The following LRP1B variants were observed in gnomAD, a reference collection of about 807,000 sequenced individuals.
LRP1B encodes the protein LDL receptor related protein 1B.
In LRP1B, 217 loss-of-function variants were observed where a neutral mutation model predicts 556.6. The ratio of observed to expected loss-of-function variants is 0.39; its 90% CI spans 0.35 to 0.44. The LOEUF (loss-of-function observed/expected upper bound fraction) is 0.44. Among genes scored for constraint, LRP1B ranks in the 20% least tolerant of loss-of-function variants. The pLI is 1.00. For missense variants in LRP1B, 5,053 were observed against 5,620.8 expected, an observed-to-expected ratio of 0.90 and a Z score of 3.23; for synonymous variants, 2,047 against 1,865.8, an observed-to-expected ratio of 1.10 and a Z score of -2.50.
chr2:140,964,500 C>A (rs28821564), intron 18 of LRP1B, among the ~76,000 whole-genome samples: 32,233 of 151,520 alleles, frequency 0.21, 3,571 homozygotes, highest in Middle Eastern at 0.28. Context: ...TGGTGACGGG[C>A]GTCTTCCCAG....
At chr2:141,174,627 A>T (rs141694688) in intron 7 of LRP1B, among the ~76,000 whole-genome samples, 1 of 152,130 alleles carries the variant, frequency 6.6e-6, no homozygotes, top group South Asian at 2.1e-4. Context: ...AGGAACTATG[A>T]GTCAATTAAA....
At chr2:141,245,775 A>G (rs866351346) in intron 5 of LRP1B, among the ~76,000 whole-genome samples, 5 of 152,232 alleles carry the variant, frequency 3.3e-5, no homozygotes, top group African/African-American at 4.8e-5. Context: ...TTTGCAGGTT[A>G]GCAGTAAAAG....
intron 2 of LRP1B, among the ~76,000 whole-genome samples, chr2:141,623,970 G>C (rs1470138697): frequency 7.8e-6 from 1 of 127,950 alleles, no homozygotes. Context: ...AGCCGAGATC[G>C]CACCACCGCA....
At chr2:141,476,713 T>C (rs750787250) in intron 3 of LRP1B, among the ~76,000 whole-genome samples, 1 of 152,156 alleles carries the variant, frequency 6.6e-6, no homozygotes, top group South Asian at 2.1e-4. Context: ...AGCAATTCAG[T>C]TGATACAAAA....
chr2:140,475,687 C>T (rs1687945797), intron 59 of LRP1B, among the ~76,000 whole-genome samples: 1 of 151,512 alleles, frequency 6.6e-6, no homozygotes. Flanking sequence ...ACAATTATCA[C>T]TATATATACT....
chr2:141,196,333 A>T (rs1320139109), intron 6 of LRP1B, among the ~76,000 whole-genome samples: 1 of 152,012 alleles, frequency 6.6e-6, no homozygotes, highest in Non-Finnish European at 1.5e-5. Context: ...GTATTTTTAA[A>T]ATTTAAAGCT....
At chr2:141,619,931 C>T (rs1688442636) in intron 2 of LRP1B, among the ~76,000 whole-genome samples, 2 of 152,142 alleles carry the variant, frequency 1.3e-5, no homozygotes, top group African/African-American at 4.8e-5. Flanking sequence ...TTATTTCATG[C>T]TACTTATAAT....
Position 141,260,744 on chromosome 2 carries a change from T to C in LRP1B, c.344-6103A>G, listed in dbSNP as rs1471820294. Among the ~76,000 whole-genome samples, 3 of 152,242 alleles carry C rather than the reference T, an allele frequency of 2.0e-5. No homozygotes were observed. In the East Asian group the frequency reaches 5.8e-4, roughly 29 times the overall value. ...GAACATGGCTGAGCTATTTTATTTG[T>C]ATGCTTCCAGGTTATGTTTTGGAGA... On this transcript the variant is annotated intron_variant, in intron 3 of 90. Coordinates refer to ENST00000389484, the MANE Select transcript of LRP1B (RefSeq NM_018557.3).
rs375189971 is a variant in LRP1B at position 140,510,063 on chromosome 2, C to A, written c.8270-7G>T. 13 of 1,612,200 alleles carry A rather than the reference C, an allele frequency of 8.1e-6. No homozygotes were observed. The highest frequency in any genetic ancestry group is 9.3e-6 in the Non-Finnish European group (11 of 1,179,510). The stretch of plus-strand genomic sequence containing the variant: ...GCAGCACAGGTTATGGCACCTGAAA[C>A]ACAAAAACATAATGCCATTAAGATT... On this transcript the variant is annotated splice_region_variant and splice_polypyrimidine_tract_variant and intron_variant, in intron 51 of 90. Transcript: ENST00000389484.
At chr2:141,923,528 T>C (rs1700254571) in intron 1 of LRP1B, among the ~76,000 whole-genome samples, 1 of 144,032 alleles carries the variant, frequency 6.9e-6, no homozygotes, top group African/African-American at 2.5e-5. Context: ...AGAGAGAAAG[T>C]AAGTATATGT....
chr2:141,649,166 T>G (rs1398454103), intron 2 of LRP1B, among the ~76,000 whole-genome samples: 1 of 152,168 alleles, frequency 6.6e-6, no homozygotes, highest in Non-Finnish European at 1.5e-5. Context: ...GCTTTCCAAA[T>G]TGAAATGAGG....
chr2:140,888,069 G>A (rs1376230831), intron 23 of LRP1B, among the ~76,000 whole-genome samples: 1 of 152,078 alleles, frequency 6.6e-6, no homozygotes, highest in Non-Finnish European at 1.5e-5. Flanking sequence ...GGTAATGACT[G>A]TAAGAACTTG....
chr2:142,113,727 C>T (rs62155635), intron 1 of LRP1B, among the ~76,000 whole-genome samples: 12,358 of 152,076 alleles, frequency 0.081, 543 homozygotes, highest in Non-Finnish European at 0.092. Flanking sequence ...CAAAGCAATG[C>T]TTGTTCCATT....
At chr2:140,467,669 A>T (rs1319149692) in intron 60 of LRP1B, among the ~76,000 whole-genome samples, 1 of 150,858 alleles carries the variant, frequency 6.6e-6, no homozygotes, top group Non-Finnish European at 1.5e-5. Flanking sequence ...TTGAGAAGTG[A>T]TTGTCATGAG....
intron 7 of LRP1B, among the ~76,000 whole-genome samples, chr2:141,180,133 G>T (rs1290448525): frequency 6.6e-6 from 1 of 151,496 alleles, no homozygotes; most frequent in Non-Finnish European, 1.5e-5. Flanking sequence ...TTAGCATTTT[G>T]TTTGTTGTTT....
At chr2:141,926,905 T>C (rs548451851) in intron 1 of LRP1B, among the ~76,000 whole-genome samples, 18 of 152,280 alleles carry the variant, frequency 1.2e-4, no homozygotes, top group Middle Eastern at 3.4e-3. Context: ...ACTGTAATGA[T>C]AAAGAATGTA....
chr2:140,286,333 C>T (rs987260477), intron 84 of LRP1B, among the ~76,000 whole-genome samples: 4 of 151,702 alleles, frequency 2.6e-5, no homozygotes, highest in African/African-American at 9.7e-5. Context: ...GGTTTGTGTT[C>T]AGATGGAGGA....
chr2:141,410,134 T>G (rs1358028141), intron 3 of LRP1B, among the ~76,000 whole-genome samples: 1 of 152,096 alleles, frequency 6.6e-6, no homozygotes, highest in East Asian at 1.9e-4. Context: ...GACTTCAAAA[T>G]GAAGACATAT....
intron 3 of LRP1B, among the ~76,000 whole-genome samples, chr2:141,455,019 G>A (rs1429682847): frequency 3.3e-5 from 5 of 151,944 alleles, no homozygotes; most frequent in Non-Finnish European, 7.4e-5. Context: ...CATTCAAAAT[G>A]CAATAGAAAA....
Sources: allele counts gnomAD v4.1 joint callset (sites outside exome capture counted in the v4.1 genomes callset), GRCh38; gene constraint gnomAD v4.1.1; transcripts MANE v1.5; gene names NCBI Gene and HGNC (gene_info 2026-07-23, HGNC 2026-07-21).